CD207: variants seen among roughly 807,000 people sequenced by gnomAD.
CD207 encodes the protein CD207 molecule, also known as C-type lectin domain family 4 member K.
CD207 carries 28 observed loss-of-function variants against 31.6 expected under a neutral mutation model. That is an observed-to-expected ratio of 0.89 (90% CI 0.66 to 1.21). CD207 has a LOEUF of 1.21. Ranked by LOEUF, CD207 falls within the 50% of genes most tolerant of loss-of-function variation. CD207 has a pLI of 0.00. For missense variants in CD207, 388 were observed against 397.8 expected, an observed-to-expected ratio of 0.98 and a Z score of 0.21; for synonymous variants, 168 against 153.9, an observed-to-expected ratio of 1.09 and a Z score of -0.68.
chr2:70,826,744 A>G (rs1247833397), downstream of CD207, among the ~76,000 whole-genome samples: 1 of 152,232 alleles, frequency 6.6e-6, no homozygotes, highest in African/African-American at 2.4e-5. Flanking sequence ...AAATACAGGA[A>G]GATACCTAAA....
chr2:70,833,780 C>T lies in CD207; in HGVS notation c.431G>A (p.Trp144Ter). ...GGCATTTAAGGTACTGACTTCTTCC[C>T]AACTTCTTGTTAAGATCTGGATCTG... Reference protein sequence around the residue: ...NAQIQILTRSWEEVSTLNAQI... With the variant: ...NAQIQILTRS The change falls in exon 3 of 6, where the codon TGG becomes TAG. Residue 144 changes from tryptophan (W) to a stop codon, truncating the protein, a stop_gained. Transcript: ENST00000410009. LOFTEE classifies it high-confidence loss of function. 1.9e-6 allele frequency: 3 copies of T among 1,614,024 alleles called. No homozygotes were observed. The highest frequency in any genetic ancestry group is 2.5e-6 in the Non-Finnish European group (3 of 1,179,902).
At chr2:70,828,804 T>C (rs1359461475), downstream of CD207, among the ~76,000 whole-genome samples, 1 of 152,148 alleles carries the variant, frequency 6.6e-6, no homozygotes, top group Non-Finnish European at 1.5e-5. Context: ...TAGTTGGAAT[T>C]ACAGGTGCCC....
rs989754238 is a variant in CD207, at chr2:70,831,106, A to G, written c.931T>C (p.Cys311Arg). The change falls in exon 6 of 6, where the codon TGT becomes CGT. Residue 311 changes from cysteine (C) to arginine (R), a missense_variant. Physicochemically the swap from Cys to Arg is radical, Grantham distance 180. Transcript: ENST00000410009. ...PSLQAWNDAP[C>R]DKTFLFICKR... ...CAAATGAAAAGAAACGTTTTGTCACATGGGGCATCATTCCAGGCCTGAAGT... is the reference window on the plus strand; with the variant it reads ...CAAATGAAAAGAAACGTTTTGTCACGTGGGGCATCATTCCAGGCCTGAAGT... The G allele has an allele frequency of 1.2e-6, 2 of 1,613,776 alleles. No homozygotes were observed. The highest frequency in any genetic ancestry group is 1.7e-6 in the Non-Finnish European group (2 of 1,179,836).
chr2:70,825,699 C>T (rs371419091), downstream of CD207, among the ~76,000 whole-genome samples: 202 of 152,132 alleles, frequency 1.3e-3, no homozygotes, highest in African/African-American at 4.5e-3. Context: ...CCACCACACA[C>T]GGCTAAGTTT....
Position 70,833,035 on chromosome 2 carries a change from C to T in CD207, c.582G>A (p.Val194=). ...LLKRQNDILQ[V]VSQGWKYFKG... ...TGAAGTACTTCCAGCCTTGAGAAACCACCTGTAGAATATCATCTAGAGAAC... is the reference window on the plus strand; with the variant it reads ...TGAAGTACTTCCAGCCTTGAGAAACTACCTGTAGAATATCATCTAGAGAAC... Residue 194 remains valine (V), a synonymous_variant, in exon 4 of 6, where the codon GTG becomes GTA. Transcript: ENST00000410009. The T allele has an allele frequency of 6.2e-7, 1 of 1,613,884 alleles. No homozygotes were observed.
Position 70,831,210 on chromosome 2 carries a change from G to C in CD207, c.837-10C>G. On this transcript the variant is annotated splice_polypyrimidine_tract_variant and intron_variant, in intron 5 of 5. Coordinates refer to ENST00000410009, the MANE Select transcript of CD207 (RefSeq NM_015717.5). ...ACCTGGAATCCAGAACCTACCAAGA[G>C]CGGGGAAAAAGATGGATTTACAAAG... The C allele has an allele frequency of 6.3e-7, 1 of 1,593,418 alleles. No homozygotes were observed. The highest frequency in any genetic ancestry group is 1.1e-5 in the South Asian group (1 of 87,064).
downstream of CD207, among the ~76,000 whole-genome samples, chr2:70,829,669 C>T (rs782622557): frequency 3.3e-5 from 5 of 152,206 alleles, no homozygotes; most frequent in Non-Finnish European, 5.9e-5. Context: ...CACAGCAGCA[C>T]GTGGTATTTC....
At chr2:70,824,319 T>G in the CD207 span, among the ~76,000 whole-genome samples, 1 of 151,772 alleles carries the variant, frequency 6.6e-6, no homozygotes, top group East Asian at 1.9e-4. Context: ...CTCCTAACTG[T>G]TCTCCCTGCC....
downstream of CD207, among the ~76,000 whole-genome samples, chr2:70,829,328 C>T (rs1553399305): frequency 6.6e-6 from 1 of 152,204 alleles, no homozygotes; most frequent in Non-Finnish European, 1.5e-5. Context: ...GTCACAAATA[C>T]AGTCTACTGG....
At chr2:70,833,593 T>C in intron 3 of CD207, 53 bp downstream of exon 3, 1 of 1,518,796 alleles carries the variant, frequency 6.6e-7, no homozygotes, top group Non-Finnish European at 8.8e-7. Flanking sequence ...CTGGGACAGG[T>C]AAGATCCCAT....
chr2:70,832,129 A>G (rs1280820758), intron 4 of CD207, among the ~76,000 whole-genome samples: 1 of 152,222 alleles, frequency 6.6e-6, no homozygotes, highest in Non-Finnish European at 1.5e-5. Flanking sequence ...TTCATATGAT[A>G]ATACCTGAAT....
chr2:70,830,103 A>C (rs1464874532), downstream of CD207: 1 of 151,940 alleles, frequency 6.6e-6, no homozygotes, highest in Non-Finnish European at 1.5e-5. Flanking sequence ...GTTATTTTTG[A>C]CTCCCCAGAT....
At position 70,835,709 on chromosome 2, in the gene CD207, G is replaced by A. The variant is rs369877748; in HGVS notation, c.68C>T (p.Pro23Leu). 22 of 1,613,330 alleles carry A rather than the reference G, an allele frequency of 1.4e-5. No homozygotes were observed. In the African/African-American group the frequency reaches 1.6e-4, roughly 12 times the overall value. The change falls in exon 1 of 6, where the codon CCC (proline) becomes CTC (leucine). Residue 23 changes from proline (P) to leucine (L), a missense_variant. By Grantham distance (98) the Pro-to-Leu change is moderately conservative. Coordinates refer to ENST00000410009, the MANE Select transcript of CD207 (RefSeq NM_015717.5). ...TVDKQNISLW[P>L]REPPPKSGPS... ...TCAGCAGCGATGTGGCTTGCCTCGG[G>A]GCCAGAGGGAGATGTTCTGTTTGTC... is the stretch of plus-strand genomic sequence containing the variant.
chr2:70,829,355 C>T (rs1245519722), downstream of CD207, among the ~76,000 whole-genome samples: 2 of 152,216 alleles, frequency 1.3e-5, no homozygotes, highest in East Asian at 3.8e-4. Flanking sequence ...ATATCATAAG[C>T]CACACAGGGC....
chr2:70,831,458 A>T (rs1677469304), intron 5 of CD207, among the ~76,000 whole-genome samples: 1 of 152,226 alleles, frequency 6.6e-6, no homozygotes, highest in Non-Finnish European at 1.5e-5. Context: ...TAGACTCATG[A>T]CAAGATCCCT....
At chr2:70,824,621 CCAAAAAAAAAA>C in the CD207 span, among the ~76,000 whole-genome samples, 6 of 38,270 alleles carry the variant, frequency 1.6e-4, no homozygotes, top group African/African-American at 5.8e-4. Context: ...TGCTTAGTTA[CCAAAAAAAAAA>C]AAAAAAAAAA....
chr2:70,833,913 C>T lies in CD207; in HGVS notation c.298G>A (p.Asp100Asn). The T allele has an allele frequency of 1.3e-6, 2 of 1,597,540 alleles. No homozygotes were observed. Among genetic ancestry groups the T allele is most frequent in the Non-Finnish European group, 1.7e-6 (2 of 1,170,810 alleles). ...TLDSEIKKNS[D>N]GMEAAGVQIQ... is the part of the protein sequence containing the mutation. ...TGAACGCCAGCTGCCTCCATGCCGTCACTATTCTTTTTAATTTCAGAATCC... is the reference window on the plus strand; with the variant it reads ...TGAACGCCAGCTGCCTCCATGCCGTTACTATTCTTTTTAATTTCAGAATCC... The change falls in exon 3 of 6, where the codon GAC becomes AAC. Residue 100 changes from aspartate to asparagine, a missense_variant. Physicochemically the swap from Asp to Asn is conservative, Grantham distance 23 (BLOSUM62 1). Transcript: ENST00000410009.
chr2:70,833,749 G>T lies in CD207; in HGVS notation c.462C>A (p.Ile154=). ...TCTCCAAATCACTTTTTAACTCTGG[G>T]ATTTGGGCATTTAAGGTACTGACTT... ...WEEVSTLNAQ[I]PELKSDLEKA... is the part of the protein sequence containing the mutation. Residue 154 remains isoleucine, a synonymous_variant, in exon 3 of 6, where the codon ATC becomes ATA. Transcript: ENST00000410009. 6.2e-7 allele frequency: 1 copy of T among 1,614,026 alleles called. No individual in the cohort carries two copies. The highest frequency in any genetic ancestry group is 8.5e-7 in the Non-Finnish European group (1 of 1,179,898).
chr2:70,830,187 C>G (rs1553399427), downstream of CD207: 1 of 152,136 alleles, frequency 6.6e-6, no homozygotes, highest in Non-Finnish European at 1.5e-5. Context: ...CCTGGACAAC[C>G]AGAAATGAAA....
Sources: gnomAD v4.1 joint callset for allele counts (sites outside exome capture counted in the v4.1 genomes callset) on GRCh38, gnomAD v4.1.1 for gene constraint, MANE v1.5 for transcripts, NCBI Gene and HGNC (gene_info 2026-07-23, HGNC 2026-07-21) for gene names.